Variants in GLS observed in about 807,000 individuals in gnomAD.
GLS encodes the protein glutaminase.
GLS carries 36 observed loss-of-function variants against 86.7 expected under a neutral mutation model. The observed-to-expected ratio is 0.42, with a 90% CI of 0.32 to 0.55. GLS has a LOEUF of 0.55. Among genes scored for constraint, GLS ranks in the 20% least tolerant of loss-of-function variants. GLS has a pLI of 0.17. For synonymous variants in GLS, 317 were observed against 305.9 expected, an observed-to-expected ratio of 1.04 and a Z score of -0.38; for missense variants, 528 against 833.4, an observed-to-expected ratio of 0.63 and a Z score of 4.51.
chr2:190,954,226 T>C lies in GLS; in HGVS notation c.1713-358T>C, dbSNP rs933891099. Among the ~76,000 whole-genome samples, 1 of 152,142 alleles carries C rather than the reference T, an allele frequency of 6.6e-6. No homozygotes were observed. The highest frequency in any genetic ancestry group is 2.4e-5 in the African/African-American group (1 of 41,442). On this transcript the variant is annotated intron_variant, in intron 15 of 17. Transcript: ENST00000320717. This position sits in a 1 kb window ranked among gnomAD's most constrained non-coding sequence, Gnocchi z 4.0. ...GTGAAATGTTTAAGAATGGGAGTCT[T>C]AGTAAAACATACAACTTTACTATAG...
intron 14 of GLS, chr2:190,932,785 A>AT: frequency 6.2e-7 from 1 of 1,606,474 alleles, no homozygotes; most frequent in Non-Finnish European, 8.5e-7. Flanking sequence ...AGTATGGAAA[A>AT]AAGTGTCACC....
Position 190,962,727 on chromosome 2 carries a change from A to T in GLS, c.1854-103A>T, listed in dbSNP as rs551351554. ...TATTTGTAAAATTGCTAAAATAGCT[A>T]AATTTGGCCATTTAACCTGCATTTA... On this transcript the variant is annotated intron_variant, in intron 17 of 17. Coordinates refer to ENST00000320717, the MANE Select transcript of GLS (RefSeq NM_014905.5). This position sits in a 1 kb window ranked among gnomAD's most constrained non-coding sequence, Gnocchi z 4.2. 3.2e-6 allele frequency: 2 copies of T among 623,474 alleles called. No homozygotes were observed. Among genetic ancestry groups the T allele is most frequent in the African/African-American group, 3.8e-5 (2 of 52,838 alleles). The allele number at this position is 623,474 out of a possible 1,614,324, so 38.6% of individuals were successfully genotyped here.
In GLS at chr2:190,884,074, T is replaced by C. The variant is rs939907809; in HGVS notation, c.386+2604T>C. 6.6e-5 allele frequency among the ~76,000 whole-genome samples: 10 copies of C among 152,242 alleles called. No individual in the cohort carries two copies. The East Asian group carries it at 1.2e-3, about 18-fold the overall frequency. Reference sequence around the variant, plus strand: ...TTAGTGATCTTATTTAATTTTGTTATGGTTCATTCTGTTATCTTGAAAACC... The same window carrying C: ...TTAGTGATCTTATTTAATTTTGTTACGGTTCATTCTGTTATCTTGAAAACC... On this transcript the variant is annotated intron_variant, in intron 1 of 17. Transcript: ENST00000320717.
At chr2:190,959,913 G>A (rs1690959160) in intron 17 of GLS, among the ~76,000 whole-genome samples, 1 of 152,178 alleles carries the variant, frequency 6.6e-6, no homozygotes, top group Admixed American at 6.5e-5. Context: ...AAGGCTTCAT[G>A]AAGTTAAATT....
At chr2:190,927,659 G>T in intron 12 of GLS, 177 bp downstream of exon 12, 1 of 507,958 alleles carries the variant, frequency 2.0e-6, no homozygotes, top group Non-Finnish European at 3.5e-6. Context: ...TCTACCAGAT[G>T]TTCTTAAGAA....
intron 14 of GLS, among the ~76,000 whole-genome samples, chr2:190,937,206 A>T (rs539047377): frequency 5.3e-5 from 8 of 151,476 alleles, no homozygotes; most frequent in African/African-American, 1.9e-4. Flanking sequence ...TTTTTCTTTT[A>T]TTTCAAATTG....
chr2:190,954,625 A>T lies in GLS; in HGVS notation c.1754A>T (p.Asp585Val). 1 of 1,613,238 alleles carries T rather than the reference A, an allele frequency of 6.2e-7. No individual in the cohort carries two copies. The highest frequency in any genetic ancestry group is 8.5e-7 in the Non-Finnish European group (1 of 1,179,224). The change falls in exon 16 of 18, where the codon GAT becomes GTT. Residue 585 changes from aspartate (D) to valine (V), a missense_variant. This residue lies in a region of GLS where 163 missense variants were observed against 429.2 expected (regional missense o/e 0.38). Coordinates refer to ENST00000320717, the MANE Select transcript of GLS (RefSeq NM_014905.5). The surrounding 1 kb of genome is among the most constrained non-coding windows in gnomAD (Gnocchi z 4.0). ...ATGGACATGGAACAGCGGGACTATG[A>T]TTCTAGAACAGCACTCCATGTAGCT... ...SAMDMEQRDY[D>V]SRTALHVAAA... is the part of the protein sequence containing the mutation.
rs1164191766 is a variant in GLS at position 190,943,117 on chromosome 2, T to TA, written c.1651-10447dup. ...TGGACACAATACTACCTTTAACAAA[T>TA]AGAGGTTCTGTTAGTATGGAAGGGG... On this transcript the variant is annotated intron_variant, in intron 14 of 17. Transcript: ENST00000320717. This position sits in a 1 kb window ranked among gnomAD's most constrained non-coding sequence, Gnocchi z 4.5. Among the ~76,000 whole-genome samples, 2 of 152,220 alleles carry TA rather than the reference T, an allele frequency of 1.3e-5. No individual in the cohort carries two copies. The highest frequency in any genetic ancestry group is 2.9e-5 in the Non-Finnish European group (2 of 68,038).
At chr2:190,927,722 G>GGTTAAGAC in intron 12 of GLS, 2 of 368,726 alleles carry the variant, frequency 5.4e-6, no homozygotes, top group Non-Finnish European at 9.8e-6. Flanking sequence ...AGGCAATCCA[G>GGTTAAGAC]TGTACAAGGT....
chr2:190,918,739 T>C (rs1466403982), intron 7 of GLS, among the ~76,000 whole-genome samples: 1 of 152,170 alleles, frequency 6.6e-6, no homozygotes, highest in Non-Finnish European at 1.5e-5. Flanking sequence ...CATTCTAGCT[T>C]TTTAAAAGTG....
At chr2:190,899,415 AATGAGTATATATTATTCTGAATTCTT>A (rs1160725262) in intron 3 of GLS, among the ~76,000 whole-genome samples, 1 of 152,118 alleles carries the variant, frequency 6.6e-6, no homozygotes, top group Non-Finnish European at 1.5e-5. Flanking sequence ...ATATTGAACA[AATGAGTATATATTATTCTGAATTCTT>A]ATTAATAGTT....
chr2:190,957,868 CTTT>C (rs777290530), intron 17 of GLS, among the ~76,000 whole-genome samples: 8 of 152,080 alleles, frequency 5.3e-5, no homozygotes, highest in Non-Finnish European at 7.4e-5. Flanking sequence ...CTGAAATTTT[CTTT>C]TTTTGTTGTG....
rs1312565819 is a variant in GLS, at chr2:190,954,191, C to CTAGT, written c.1713-392_1713-389dup. On this transcript the variant is annotated intron_variant, in intron 15 of 17. Transcript: ENST00000320717. The surrounding 1 kb of genome is among the most constrained non-coding windows in gnomAD (Gnocchi z 4.0). Reference sequence around the variant, plus strand: ...CCCTTGTTTTGAAGTCTGACAAGTACTAGTAGACTGTGAAATGTTTAAGAA... The same window carrying CTAGT: ...CCCTTGTTTTGAAGTCTGACAAGTACTAGTTAGTAGACTGTGAAATGTTTAAGAA... 1.3e-5 allele frequency among the ~76,000 whole-genome samples: 2 copies of CTAGT among 151,632 alleles called. No homozygotes were observed. Among genetic ancestry groups the CTAGT allele is most frequent in the Non-Finnish European group, 2.9e-5 (2 of 67,978 alleles).
At chr2:190,934,795 T>G in intron 14 of GLS, 5 of 964,222 alleles carry the variant, frequency 5.2e-6, no homozygotes, top group Non-Finnish European at 6.2e-6. Context: ...AATGAAGTAC[T>G]GTTATCTAAG....
chr2:190,918,905 A>C (rs1221735196), intron 7 of GLS, among the ~76,000 whole-genome samples: 1 of 152,150 alleles, frequency 6.6e-6, no homozygotes, highest in Non-Finnish European at 1.5e-5. Flanking sequence ...GTCAGAACAT[A>C]TACAACATTT....
intron 14 of GLS, among the ~76,000 whole-genome samples, chr2:190,942,170 C>T (rs545746315): frequency 5.2e-4 from 76 of 146,418 alleles, no homozygotes; most frequent in African/African-American, 1.8e-3. Flanking sequence ...AGCTCCGCCT[C>T]CCGGGTTCAC....
Position 190,921,196 on chromosome 2 carries a change from A to T in GLS, c.1123A>T (p.Asn375Tyr), listed in dbSNP as rs1334611205. Residue 375 changes from asparagine to tyrosine, a missense_variant, in exon 9 of 18, where the codon AAT becomes TAT. Transcript: ENST00000320717. This position sits in a 1 kb window ranked among gnomAD's most constrained non-coding sequence, Gnocchi z 4.2. ...TGGTAATGAATATGTTGGATTCAGT[A>T]ATGCAACGTGAGTGTTTTAAATACT... ...MAGNEYVGFS[N>Y]ATFQSERESG... 6.3e-7 allele frequency: 1 copy of T among 1,599,912 alleles called. No individual in the cohort carries two copies.
chr2:190,963,032 G>C lies in GLS; in HGVS notation c.*46G>C. On this transcript the variant is annotated 3_prime_UTR_variant, in exon 18 of 18. Transcript: ENST00000320717. Reference sequence around the variant, plus strand: ...TAAATCACTTACCTATTTAATTGTGGAAAATGATTATGAAGAACATGTGTA... The same window carrying C: ...TAAATCACTTACCTATTTAATTGTGCAAAATGATTATGAAGAACATGTGTA... The C allele has an allele frequency of 7.5e-7, 1 of 1,335,578 alleles. No homozygotes were observed. The highest frequency in any genetic ancestry group is 1.0e-6 in the Non-Finnish European group (1 of 962,076). 82.7% of individuals were successfully genotyped at this position (1,335,578 alleles called of 1,614,324 possible). A position where few individuals can be genotyped will look rare whatever the true frequency, so the allele number is the denominator to read the frequency against.
chr2:190,927,401 G>A lies in GLS; in HGVS notation c.1344G>A (p.Leu448=), dbSNP rs1337320792. The change falls in exon 12 of 18, where the codon CTG becomes CTA. Residue 448 remains leucine (L), a synonymous_variant. Transcript: ENST00000320717. The part of the protein sequence containing the change: ...GFCPITGERV[L]SPEAVRNTLS... Reference sequence around the variant, plus strand: ...GCCCAATTACTGGTGAAAGAGTACTGAGCCCTGAAGCAGTTCGAAATACAT... The same window carrying A: ...GCCCAATTACTGGTGAAAGAGTACTAAGCCCTGAAGCAGTTCGAAATACAT... 8.7e-6 allele frequency: 14 copies of A among 1,613,736 alleles called. No homozygotes were observed. Among genetic ancestry groups the A allele is most frequent in the Non-Finnish European group, 1.0e-5 (12 of 1,179,806 alleles).
Sources: gnomAD v4.1 joint callset for allele counts (sites outside exome capture counted in the v4.1 genomes callset) on GRCh38, gnomAD v4.1.1 for gene constraint, gnomAD v4.1.1 regional missense constraint, Gnocchi (gnomAD v3.1) non-coding constraint, MANE v1.5 for transcripts, NCBI Gene and HGNC (gene_info 2026-07-23, HGNC 2026-07-21) for gene names.